The following SLC23A2 variants were observed in gnomAD, a reference collection of about 807,000 sequenced individuals.
The protein encoded by SLC23A2 is solute carrier family 23 member 2.
Under a neutral mutation model 73.3 loss-of-function variants are expected in SLC23A2, and 36 were observed. That is an observed-to-expected ratio of 0.49 (90% CI 0.38 to 0.65). SLC23A2 has a LOEUF of 0.65. SLC23A2 is among the 30% of genes least tolerant of loss of function. The pLI, the probability that SLC23A2 is intolerant of heterozygous loss-of-function variation, is 0.00. For synonymous variants in SLC23A2, 343 were observed against 327.3 expected, an observed-to-expected ratio of 1.05 and a Z score of -0.52; for missense variants, 507 against 841.6, an observed-to-expected ratio of 0.60 and a Z score of 4.92.
chr20:4,968,877 C>T (rs6038025), intron 2 of SLC23A2, among the ~76,000 whole-genome samples: 59,646 of 151,298 alleles, frequency 0.39, 12,075 homozygotes, highest in Admixed American at 0.48. Flanking sequence ...CGCCACCATG[C>T]CTGGCTAATT....
rs758296197 is a variant in SLC23A2 at position 4,857,791 on chromosome 20, C to T, written c.1721-587G>A. On this transcript the variant is annotated intron_variant, in intron 16 of 16. Transcript: ENST00000338244. The surrounding 1 kb of genome is among the most constrained non-coding windows in gnomAD (Gnocchi z 4.0). ...ACTCAAAATACAAAAATTAGCTGGG[C>T]GTGGTGGTGCATGCCTGTAATCTTA... 3.3e-5 allele frequency among the ~76,000 whole-genome samples: 5 copies of T among 151,992 alleles called. No individual in the cohort carries two copies. Among genetic ancestry groups the T allele is most frequent in the Admixed American group, 2.6e-4 (4 of 15,264 alleles).
At chr20:5,002,290 G>T (rs1258085331), upstream of SLC23A2, among the ~76,000 whole-genome samples, 6 of 152,216 alleles carry the variant, frequency 3.9e-5, no homozygotes, top group African/African-American at 1.2e-4. Flanking sequence ...GAGGTCTGGC[G>T]TGAGGCTCCA....
chr20:4,871,449 C>T (rs1930444451), intron 11 of SLC23A2, among the ~76,000 whole-genome samples: 1 of 151,930 alleles, frequency 6.6e-6, no homozygotes. Context: ...CTGGTGAACG[C>T]AGAGCTCTCA....
chr20:4,938,982 C>T (rs1340043025), intron 2 of SLC23A2, among the ~76,000 whole-genome samples: 1 of 151,994 alleles, frequency 6.6e-6, no homozygotes, highest in Non-Finnish European at 1.5e-5. Context: ...TGGCTCACAT[C>T]TGTAATCCCA....
At chr20:4,996,030 C>T (rs2088014312) in intron 1 of SLC23A2, among the ~76,000 whole-genome samples, 1 of 152,098 alleles carries the variant, frequency 6.6e-6, no homozygotes, top group South Asian at 2.1e-4. Flanking sequence ...AGAAGTTACC[C>T]AAGACTTCAT....
chr20:5,005,102 C>T (rs966011470), upstream of SLC23A2, among the ~76,000 whole-genome samples: 2 of 151,328 alleles, frequency 1.3e-5, no homozygotes, highest in African/African-American at 4.8e-5. Context: ...GGCCCTTAAT[C>T]TCTAGTCTCG....
intron 2 of SLC23A2, among the ~76,000 whole-genome samples, chr20:4,961,754 A>G (rs537096441): frequency 6.6e-6 from 1 of 152,330 alleles, no homozygotes; most frequent in South Asian, 2.1e-4. Flanking sequence ...CCCTCCAAGT[A>G]TCACATCACT....
chr20:4,954,170 A>C (rs1264954665), intron 2 of SLC23A2, among the ~76,000 whole-genome samples: 1 of 152,170 alleles, frequency 6.6e-6, no homozygotes, highest in Non-Finnish European at 1.5e-5. Flanking sequence ...TCATAAACAT[A>C]TCTCTCTCCA....
At chr20:4,898,384 C>T (rs2122864687) in intron 6 of SLC23A2, among the ~76,000 whole-genome samples, 1 of 152,352 alleles carries the variant, frequency 6.6e-6, no homozygotes, top group East Asian at 1.9e-4. Flanking sequence ...CCAAGGCTCC[C>T]CTATCCCCGT....
At chr20:4,923,895 T>C (rs1932580569) in intron 3 of SLC23A2, among the ~76,000 whole-genome samples, 1 of 152,188 alleles carries the variant, frequency 6.6e-6, no homozygotes, top group African/African-American at 2.4e-5. Context: ...GTCAGGGGTT[T>C]AGAGGAACTG....
At chr20:4,992,189 A>AG (rs2087936995) in intron 1 of SLC23A2, among the ~76,000 whole-genome samples, 1 of 152,168 alleles carries the variant, frequency 6.6e-6, no homozygotes, top group Non-Finnish European at 1.5e-5. Flanking sequence ...CAGATAATAA[A>AG]GCCTACTATA....
intron 9 of SLC23A2, among the ~76,000 whole-genome samples, chr20:4,876,877 G>T (rs1930677497): frequency 6.6e-6 from 1 of 152,168 alleles, no homozygotes; most frequent in African/African-American, 2.4e-5. Flanking sequence ...ACATGAACAG[G>T]TTATTATCTA....
intron 2 of SLC23A2, among the ~76,000 whole-genome samples, chr20:4,955,822 T>C (rs2087278651): frequency 6.6e-6 from 1 of 151,698 alleles, no homozygotes; most frequent in Non-Finnish European, 1.5e-5. Flanking sequence ...AAGTACTGTA[T>C]ATATACATGT....
intron 2 of SLC23A2, among the ~76,000 whole-genome samples, chr20:4,962,140 T>G (rs2087401039): frequency 9.3e-6 from 1 of 107,826 alleles, no homozygotes. Context: ...AAAAATGATA[T>G]TATTTTAAAA....
intron 2 of SLC23A2, among the ~76,000 whole-genome samples, chr20:4,958,613 A>C (rs1375826611): frequency 1.3e-5 from 2 of 151,866 alleles, no homozygotes. Flanking sequence ...TTTTTGGTAG[A>C]GATGAGGTTT....
At chr20:4,972,006 C>A (rs560751924) in intron 1 of SLC23A2, among the ~76,000 whole-genome samples, 43 of 152,162 alleles carry the variant, frequency 2.8e-4, no homozygotes, top group Non-Finnish European at 4.6e-4. Flanking sequence ...AGCAGGTACA[C>A]AGATGTTTCT....
chr20:4,922,946 T>C (rs1932545518), intron 3 of SLC23A2, among the ~76,000 whole-genome samples: 2 of 152,142 alleles, frequency 1.3e-5, no homozygotes, highest in South Asian at 4.1e-4. Flanking sequence ...ACTATTTTCA[T>C]TCGTAACAAA....
intron 2 of SLC23A2, among the ~76,000 whole-genome samples, chr20:4,934,965 A>G (rs1445206641): frequency 6.6e-6 from 1 of 151,940 alleles, no homozygotes; most frequent in African/African-American, 2.4e-5. Flanking sequence ...AGGTGGGCAG[A>G]TCACAAGGTC....
chr20:4,899,951 ACCT>A lies in SLC23A2; in HGVS notation c.325-242_325-240del, dbSNP rs1931685978. 6.6e-6 allele frequency among the ~76,000 whole-genome samples: 1 copy of A among 151,906 alleles called. No homozygotes were observed. Among genetic ancestry groups the A allele is most frequent in the Non-Finnish European group, 1.5e-5 (1 of 68,004 alleles). On this transcript the variant is annotated intron_variant, in intron 5 of 16. Coordinates refer to ENST00000338244, the MANE Select transcript of SLC23A2 (RefSeq NM_005116.6). The surrounding 1 kb of genome is among the most constrained non-coding windows in gnomAD (Gnocchi z 4.9). The stretch of plus-strand genomic sequence containing the variant: ...AATGGTGCGATCTTGGCTCACTGTG[ACCT>A]CCACCTCCCAGGCTCAAGCAATTCT...
Sources: allele counts gnomAD v4.1 joint callset (sites outside exome capture counted in the v4.1 genomes callset), GRCh38; gene constraint gnomAD v4.1.1; non-coding constraint Gnocchi (gnomAD v3.1); transcripts MANE v1.5; gene names NCBI Gene and HGNC (gene_info 2026-07-23, HGNC 2026-07-21).